The following CFAP99 variants were observed in gnomAD, a reference collection of about 807,000 sequenced individuals.
CFAP99 encodes cilia- and flagella-associated protein 99.
CFAP99 carries 84 observed loss-of-function variants against 82.7 expected under a neutral mutation model. That is an observed-to-expected ratio of 1.02 (90% CI 0.85 to 1.22). CFAP99 has a LOEUF of 1.22. Among genes scored for constraint, CFAP99 ranks in the 50% most tolerant of loss-of-function variants. CFAP99 has a pLI of 0.00. For missense variants in CFAP99, 1,059 were observed against 983.5 expected, an observed-to-expected ratio of 1.08 and a Z score of -1.03; for synonymous variants, 456 against 429.5, an observed-to-expected ratio of 1.06 and a Z score of -0.76.
intron 1 of CFAP99, among the ~76,000 whole-genome samples, chr4:2,420,751 A>C (rs948633311): frequency 2.6e-5 from 4 of 151,942 alleles, no homozygotes; most frequent in African/African-American, 7.3e-5. Context: ...TTGGTATGGC[A>C]GCCCTAAAGT....
chr4:2,452,329 G>A (rs1734324040), exon 11 of CFAP99: 3 of 1,534,722 alleles, frequency 2.0e-6, no homozygotes, highest in Non-Finnish European at 2.6e-6. Flanking sequence ...GCAGAGGGTG[G>A]AGCAGCAGAA....
At chr4:2,429,103 T>C (rs1418362229) in intron 2 of CFAP99, 1 of 152,392 alleles carries the variant, frequency 6.6e-6, no homozygotes, top group Non-Finnish European at 1.5e-5. Flanking sequence ...GCTGCACTGG[T>C]CTCCTAGTGT....
At chr4:2,440,959 G>A (rs1359595905) in intron 4 of CFAP99, among the ~76,000 whole-genome samples, 1 of 151,966 alleles carries the variant, frequency 6.6e-6, no homozygotes, top group African/African-American at 2.4e-5. Flanking sequence ...TCACGAAGTT[G>A]AAGCAGGAGG....
chr4:2,458,003 G>C (rs1451848293), intron 11 of CFAP99, among the ~76,000 whole-genome samples: 1 of 152,220 alleles, frequency 6.6e-6, no homozygotes, highest in Non-Finnish European at 1.5e-5. Context: ...CCAAGCGGGA[G>C]CCTTTTCTGT....
At chr4:2,436,080 TCAA>T (rs1733901712) in intron 2 of CFAP99, among the ~76,000 whole-genome samples, 2 of 121,676 alleles carry the variant, frequency 1.6e-5, no homozygotes, top group African/African-American at 3.8e-5. Context: ...CTCAAAAACT[TCAA>T]AAAAAAAAAA....
At chr4:2,447,925 ATGGG>A (rs1215497422) in intron 6 of CFAP99, among the ~76,000 whole-genome samples, 3 of 85,184 alleles carry the variant, frequency 3.5e-5, no homozygotes, top group African/African-American at 9.2e-5. Context: ...GAATGAATGG[ATGGG>A]TGGATGGATG....
chr4:2,460,762 GTTTTTT>G (rs1734604097), intron 14 of CFAP99, among the ~76,000 whole-genome samples: 1 of 152,020 alleles, frequency 6.6e-6, no homozygotes, highest in Non-Finnish European at 1.5e-5. Context: ...TTTTGTTTTT[GTTTTTT>G]GAGACAGAGT....
At chr4:2,458,449 C>T (rs936864210) in intron 11 of CFAP99, among the ~76,000 whole-genome samples, 2 of 152,120 alleles carry the variant, frequency 1.3e-5, no homozygotes, top group African/African-American at 4.8e-5. Flanking sequence ...GCTACTACAG[C>T]AAAGTACCAC....
At position 2,420,319 on chromosome 4, in the gene CFAP99, A is replaced by C. The variant is rs550523444; in HGVS notation, c.-18+1226A>C. ...ACCTATATCTCTAGCCTCAACCCTG[A>C]AACTCCAGACCTGTTTACCTGTTCT... On this transcript the variant is annotated intron_variant, in intron 1 of 14. Coordinates refer to ENST00000635017, the Ensembl canonical transcript of CFAP99. Among the ~76,000 whole-genome samples the C allele has an allele frequency of 1.6e-4, 25 of 152,248 alleles. No homozygotes were observed. The South Asian group carries it at 5.2e-3, about 32-fold the overall frequency.
In CFAP99 at chr4:2,459,087, C is replaced by G. The variant is rs1578484120; in HGVS notation, c.1304-20C>G. On this transcript the variant is annotated intron_variant, in intron 12 of 14. Coordinates refer to ENST00000635017, the Ensembl canonical transcript of CFAP99. ...CCCTGCCACCCACCAGCCACCTCAG[C>G]TCCTGGCTTGGCCCCCAAGTTCAGG... The G allele has an allele frequency of 6.7e-7, 1 of 1,496,188 alleles. No individual in the cohort carries two copies. Among genetic ancestry groups the G allele is most frequent in the East Asian group, 2.5e-5 (1 of 40,426 alleles). 92.7% of individuals were successfully genotyped at this position (1,496,188 alleles called of 1,614,324 possible).
At chr4:2,459,244 G>C in exon 13 of CFAP99, 1 of 1,534,314 alleles carries the variant, frequency 6.5e-7, no homozygotes, top group Non-Finnish European at 8.7e-7. Context: ...GGGCAAGCTC[G>C]TGGACCTGAC....
At chr4:2,429,164 G>A (rs889115080) in intron 2 of CFAP99, 1 of 152,332 alleles carries the variant, frequency 6.6e-6, no homozygotes, top group African/African-American at 2.4e-5. Context: ...GCCTCCACCT[G>A]GGAAACTTTC....
chr4:2,451,014 A>G, exon 9 of CFAP99: 1 of 1,535,940 alleles, frequency 6.5e-7, no homozygotes, highest in Non-Finnish European at 8.7e-7. Context: ...CTGACCTTCT[A>G]TAGGGTGAGG....
intron 6 of CFAP99, 109 bp from the exon 7 acceptor site, chr4:2,449,561 A>C: frequency 2.1e-6 from 2 of 945,284 alleles, no homozygotes; most frequent in Non-Finnish European, 3.2e-6. Flanking sequence ...GCAGGCCGCC[A>C]CCACCCTCCC....
chr4:2,460,062 A>T, exon 14 of CFAP99: 1 of 1,535,974 alleles, frequency 6.5e-7, no homozygotes, highest in Non-Finnish European at 8.7e-7. Context: ...CTGGAAGGAG[A>T]GATGTCCATA....
At chr4:2,454,595 T>TC (rs1734384707) in intron 11 of CFAP99, among the ~76,000 whole-genome samples, 1 of 107,944 alleles carries the variant, frequency 9.3e-6, no homozygotes, top group African/African-American at 4.4e-5. Context: ...TTTTTTTTTG[T>TC]TTTTTTTTTT....
chr4:2,448,614 G>A lies in CFAP99; in HGVS notation c.643-1056G>A, dbSNP rs146682944. On this transcript the variant is annotated intron_variant, in intron 6 of 14. Transcript: ENST00000635017. The surrounding 1 kb of genome is among the most constrained non-coding windows in gnomAD (Gnocchi z 5.2). The stretch of plus-strand genomic sequence containing the variant: ...GTAAAAAACCAGAAGTGAGCAAGTC[G>A]GCCATGGGGTGTCTCAGAGAACAGC... Among the ~76,000 whole-genome samples, 2,392 of 152,338 alleles carry A rather than the reference G, an allele frequency of 0.016. 26 individuals are homozygous for A. The highest frequency in any genetic ancestry group is 0.024 in the Non-Finnish European group (1,631 of 68,028).
In CFAP99 at chr4:2,436,956, TG is replaced by T; in HGVS notation, c.196del (p.Asp66MetfsTer21). On this transcript the variant is annotated frameshift_variant, in exon 3 of 15. Transcript: ENST00000635017. LOFTEE classifies it high-confidence loss of function. The stretch of plus-strand genomic sequence containing the variant: ...TACCGGAAGCTGCTGACCGTCGTGG[TG>T]GATGCCTTCTACGTGGAGGATGGCC... 6.5e-7 allele frequency: 1 copy of T among 1,536,080 alleles called. No homozygotes were observed. The highest frequency in any genetic ancestry group is 8.7e-7 in the Non-Finnish European group (1 of 1,146,868).
chr4:2,442,542 G>A lies in CFAP99; in HGVS notation c.352-588G>A, dbSNP rs542342404. Among the ~76,000 whole-genome samples, 84 of 152,174 alleles carry A rather than the reference G, an allele frequency of 5.5e-4. 2 individuals are homozygous for A. The Middle Eastern group carries it at 0.01, about 18-fold the overall frequency. On this transcript the variant is annotated intron_variant, in intron 4 of 14. Transcript: ENST00000635017. Reference sequence around the variant, plus strand: ...CGCCATCCTGCCCACCATTACCCCCGCTCAGCCCGTGCCTCCTCGGCCACC... The same window carrying A: ...CGCCATCCTGCCCACCATTACCCCCACTCAGCCCGTGCCTCCTCGGCCACC...
Sources: allele counts gnomAD v4.1 joint callset (sites outside exome capture counted in the v4.1 genomes callset), GRCh38; gene constraint gnomAD v4.1.1; non-coding constraint Gnocchi (gnomAD v3.1); transcripts MANE v1.5; gene names NCBI Gene and HGNC (gene_info 2026-07-23, HGNC 2026-07-21).